Variants in ATP11C observed in about 807,000 individuals in gnomAD.
ATP11C encodes ATPase phospholipid transporting 11C (ATP11C blood group).
A neutral mutation model predicts 97.4 loss-of-function variants in ATP11C; 36 were observed. The observed-to-expected ratio is 0.37, with a 90% confidence interval of 0.28 to 0.49. The LOEUF is 0.49. Among genes scored for constraint, ATP11C ranks in the 20% least tolerant of loss-of-function variants. The pLI, the probability that ATP11C is intolerant of heterozygous loss-of-function variation, is 0.98. For synonymous variants in ATP11C, 275 were observed against 290.9 expected, an observed-to-expected ratio of 0.95 and a Z score of 0.56; for missense variants, 730 against 824.6, an observed-to-expected ratio of 0.89 and a Z score of 1.40.
intron 1 of ATP11C, among the ~76,000 whole-genome samples, chrX:139,857,586 G>C (rs1439909958): frequency 9.1e-6 from 1 of 110,425 alleles, no homozygotes; most frequent in African/African-American, 3.3e-5. Context: ...CTTTAAATTA[G>C]CCAATCGGAA....
At chrX:139,841,442 G>C (rs1174886294) in intron 1 of ATP11C, among the ~76,000 whole-genome samples, 1 of 112,794 alleles carries the variant, frequency 8.9e-6, no homozygotes, top group East Asian at 2.8e-4. Context: ...GGGTGAGGTG[G>C]AGTAGAGAAG....
At chrX:139,789,651 G>A (rs1040947258) in intron 12 of ATP11C, among the ~76,000 whole-genome samples, 163 bp from the exon 13 acceptor site, 2 of 112,001 alleles carry the variant, frequency 1.8e-5, no homozygotes, top group African/African-American at 6.5e-5. Flanking sequence ...AAGAAATGAG[G>A]AATAAATGAG....
intron 1 of ATP11C, among the ~76,000 whole-genome samples, chrX:139,876,871 T>A (rs759205744): frequency 8.9e-6 from 1 of 112,362 alleles, no homozygotes; most frequent in African/African-American, 3.2e-5. Context: ...AAAACCAAAA[T>A]GCAGTAAGAG....
intron 1 of ATP11C, among the ~76,000 whole-genome samples, chrX:139,859,563 G>A (rs950951672): frequency 2.9e-4 from 33 of 112,008 alleles, no homozygotes; most frequent in African/African-American, 1.0e-3. Flanking sequence ...AAAGAGCTAA[G>A]TATTCCTACA....
At chrX:139,788,827 A>C (rs1011348109) in intron 13 of ATP11C, among the ~76,000 whole-genome samples, 2 of 112,199 alleles carry the variant, frequency 1.8e-5, no homozygotes, top group African/African-American at 6.5e-5. Context: ...CATTTCCCAC[A>C]ATTCTCTTTA....
intron 7 of ATP11C, among the ~76,000 whole-genome samples, chrX:139,800,421 T>C (rs780498341): frequency 3.6e-5 from 4 of 112,359 alleles, no homozygotes; most frequent in African/African-American, 1.3e-4. Context: ...TAAGTTTATA[T>C]AAATAACGTA....
At chrX:139,902,469 T>C (rs1431334044) in intron 1 of ATP11C, among the ~76,000 whole-genome samples, 1 of 111,779 alleles carries the variant, frequency 8.9e-6, no homozygotes, top group Non-Finnish European at 1.9e-5. Context: ...TAGTTTGTTC[T>C]TTCTTCCTCA....
At chrX:139,864,514 T>C (rs2084252188) in intron 1 of ATP11C, among the ~76,000 whole-genome samples, 1 of 112,395 alleles carries the variant, frequency 8.9e-6, no homozygotes, top group African/African-American at 3.2e-5. Flanking sequence ...TAGCAAGATA[T>C]GTCATCTTTG....
At chrX:139,885,325 G>C (rs1191366707) in intron 1 of ATP11C, among the ~76,000 whole-genome samples, 1 of 110,734 alleles carries the variant, frequency 9.0e-6, no homozygotes, top group Non-Finnish European at 1.9e-5. Context: ...AGACTTGGTG[G>C]TACAAATTGT....
At chrX:139,846,967 T>C (rs767013169) in intron 1 of ATP11C, among the ~76,000 whole-genome samples, 3 of 110,171 alleles carry the variant, frequency 2.7e-5, no homozygotes, top group Non-Finnish European at 3.8e-5. Context: ...AAAAGGCCAA[T>C]TACATCTACC....
At chrX:139,891,217 AAAG>A (rs1381585334) in intron 1 of ATP11C, among the ~76,000 whole-genome samples, 2 of 107,978 alleles carry the variant, frequency 1.9e-5, no homozygotes, top group East Asian at 2.9e-4. Flanking sequence ...AAAAAAAAAA[AAAG>A]AAGGAAGATG....
intron 1 of ATP11C, among the ~76,000 whole-genome samples, chrX:139,867,421 G>T (rs1400749316): frequency 9.0e-6 from 1 of 111,352 alleles, no homozygotes; most frequent in African/African-American, 3.3e-5. Context: ...GACACATTAT[G>T]ACTAAAGGAG....
At chrX:139,826,982 T>A (rs1305920691) in intron 1 of ATP11C, among the ~76,000 whole-genome samples, 159 bp from the exon 2 acceptor site, 8 of 112,287 alleles carry the variant, frequency 7.1e-5, no homozygotes, top group Non-Finnish European at 1.9e-5. Flanking sequence ...TCCATTAAGC[T>A]CTTACTTGCT....
chrX:139,898,558 G>GATGAGTAGATGTGGGC (rs2084846797), intron 1 of ATP11C, among the ~76,000 whole-genome samples: 1 of 111,090 alleles, frequency 9.0e-6, no homozygotes, highest in Non-Finnish European at 1.9e-5. Flanking sequence ...TAGACGTGGG[G>GATGAGTAGATGTGGGC]ATGAGTAGAT....
intron 1 of ATP11C, among the ~76,000 whole-genome samples, chrX:139,909,381 C>T (rs910708300): frequency 1.8e-5 from 2 of 111,305 alleles, no homozygotes; most frequent in African/African-American, 6.5e-5. Context: ...GATCCACCCG[C>T]CTCGGCTTCC....
In ATP11C at chrX:139,789,382, A is replaced by G; in HGVS notation, c.1313T>C (p.Val438Ala). 1 of 1,205,928 alleles carries G rather than the reference A, an allele frequency of 8.3e-7. No individual in the cohort carries two copies. Reference protein sequence around the residue: ...GHKYKGVTQEVDGLSQTDGTL... With the variant: ...GHKYKGVTQEADGLSQTDGTL... ...TCCATCAGTTTGAGATAATCCATCA[A>G]CCTCTTGAGTTACACCTTTATATTT... Residue 438 changes from valine (V) to alanine (A), a missense_variant, in exon 13 of 30, where the codon GTT (valine) becomes GCT (alanine). Transcript: ENST00000682941.
At chrX:139,849,852 T>C (rs1357495942) in intron 1 of ATP11C, among the ~76,000 whole-genome samples, 1 of 111,929 alleles carries the variant, frequency 8.9e-6, no homozygotes, top group Non-Finnish European at 1.9e-5. Flanking sequence ...ATTGCAGAAG[T>C]GGGTTGGTTA....
At chrX:139,915,220 CACT>C (rs769874749) in intron 1 of ATP11C, among the ~76,000 whole-genome samples, 123 of 111,776 alleles carry the variant, frequency 1.1e-3, no homozygotes, top group Non-Finnish European at 2.0e-3. Context: ...TTAAATGAGA[CACT>C]ACTATCATTG....
At chrX:139,741,117 A>C (rs771742509) in intron 26 of ATP11C, 23 bp from the exon 27 acceptor site, 2 of 1,016,248 alleles carry the variant, frequency 2.0e-6, no homozygotes, top group Non-Finnish European at 2.8e-6. Context: ...AACACAAAAG[A>C]TTTCACGACG....
Sources: gnomAD v4.1 joint callset for allele counts (sites outside exome capture counted in the v4.1 genomes callset) on GRCh38, gnomAD v4.1.1 for gene constraint, MANE v1.5 for transcripts, NCBI Gene and HGNC (gene_info 2026-07-23, HGNC 2026-07-21) for gene names.